Variants in CDH13 observed in about 807,000 individuals in gnomAD.
CDH13 encodes cadherin-13.
Under a neutral mutation model 63.8 loss-of-function variants are expected in CDH13, and 24 were observed. The ratio of observed to expected loss-of-function variants is 0.38; its 90% CI spans 0.27 to 0.53. The LOEUF is 0.53. CDH13 is among the 20% of genes least tolerant of loss of function. The pLI, the probability that CDH13 is intolerant of heterozygous loss-of-function variation, is 0.85. For synonymous variants in CDH13, 503 were observed against 355.3 expected (o/e 1.42, Z -4.67); for missense variants, 1,049 against 903.1 (o/e 1.16, Z -2.07).
chr16:83,169,172 G>T (rs990205573), intron 4 of CDH13, among the ~76,000 whole-genome samples: 2 of 150,886 alleles, frequency 1.3e-5, no homozygotes, highest in African/African-American at 4.9e-5. Flanking sequence ...CCGGCATTCA[G>T]TGCTTAGGTT....
chr16:82,876,963 C>A (rs1221581621), intron 2 of CDH13, among the ~76,000 whole-genome samples: 1 of 152,166 alleles, frequency 6.6e-6, no homozygotes, highest in Admixed American at 6.5e-5. Flanking sequence ...AGCATGCACC[C>A]AAACAGCTCA....
intron 5 of CDH13, among the ~76,000 whole-genome samples, chr16:83,269,416 A>C (rs1221196207): frequency 6.6e-6 from 1 of 152,052 alleles, no homozygotes; most frequent in African/African-American, 2.4e-5. Flanking sequence ...TGATTATCTA[A>C]ACTATCCCAC....
chr16:83,334,351 TCTCTCTCTCTCACACACACA>T (rs1230433858), intron 5 of CDH13, among the ~76,000 whole-genome samples: 3 of 48,440 alleles, frequency 6.2e-5, no homozygotes, highest in South Asian at 2.1e-3. Context: ...CCTCTCTCTC[TCTCTCTCTCTCACACACACA>T]CACACACACA....
chr16:83,748,797 A>C (rs1403161373), intron 11 of CDH13, among the ~76,000 whole-genome samples: 1 of 152,228 alleles, frequency 6.6e-6, no homozygotes, highest in Non-Finnish European at 1.5e-5. Context: ...CTGGGGGCGC[A>C]GCAGTAAACA....
intron 6 of CDH13, among the ~76,000 whole-genome samples, chr16:83,411,400 A>G (rs2092123718): frequency 6.6e-6 from 1 of 152,114 alleles, no homozygotes; most frequent in African/African-American, 2.4e-5. Context: ...TGTGTGGTTT[A>G]TTGTTGGCTT....
intron 1 of CDH13, among the ~76,000 whole-genome samples, chr16:82,652,991 G>T (rs1228591229): frequency 6.6e-6 from 1 of 152,166 alleles, no homozygotes; most frequent in Non-Finnish European, 1.5e-5. Flanking sequence ...GAAGTTGGGG[G>T]TAAACAGGCG....
intron 5 of CDH13, among the ~76,000 whole-genome samples, chr16:83,243,735 C>T (rs764752702): frequency 5.9e-5 from 9 of 152,300 alleles, no homozygotes; most frequent in Admixed American, 2.6e-4. Context: ...GGACTACAAA[C>T]ATAAACCAGT....
chr16:83,276,312 C>T (rs2088986345), intron 5 of CDH13, among the ~76,000 whole-genome samples: 1 of 152,080 alleles, frequency 6.6e-6, no homozygotes, highest in African/African-American at 2.4e-5. Flanking sequence ...TACAAGATGG[C>T]CCCTCATTGA....
At chr16:83,018,081 A>C (rs1914977490) in intron 2 of CDH13, among the ~76,000 whole-genome samples, 1 of 152,216 alleles carries the variant, frequency 6.6e-6, no homozygotes, top group Non-Finnish European at 1.5e-5. Context: ...GGCCAGTGAA[A>C]AGCCTGGCCT....
At chr16:83,236,738 G>A (rs746127152) in intron 5 of CDH13, among the ~76,000 whole-genome samples, 1 of 152,002 alleles carries the variant, frequency 6.6e-6, no homozygotes, top group Admixed American at 6.6e-5. Flanking sequence ...ATACATCCTT[G>A]CAATGGAATA....
intron 10 of CDH13, among the ~76,000 whole-genome samples, chr16:83,745,722 C>A (rs896888694): frequency 2.0e-5 from 3 of 152,194 alleles, no homozygotes; most frequent in Non-Finnish European, 4.4e-5. Flanking sequence ...CCCAAGATGA[C>A]CTTTAAGTCA....
intron 7 of CDH13, among the ~76,000 whole-genome samples, chr16:83,583,760 G>GA (rs1164720472): frequency 9.2e-4 from 133 of 144,944 alleles, no homozygotes; most frequent in South Asian, 2.0e-3. Context: ...ATACTAAAAA[G>GA]AAAAAAAAAA....
chr16:83,292,605 G>A (rs1215986222), intron 5 of CDH13, among the ~76,000 whole-genome samples: 1 of 152,138 alleles, frequency 6.6e-6, no homozygotes, highest in Non-Finnish European at 1.5e-5. Flanking sequence ...TCTCCCAGAT[G>A]AGGCCCATCA....
intron 3 of CDH13, among the ~76,000 whole-genome samples, chr16:83,063,944 A>G (rs2031793129): frequency 6.6e-6 from 1 of 152,202 alleles, no homozygotes; most frequent in African/African-American, 2.4e-5. Context: ...TGGAAGGGAC[A>G]GAATCAAGAT....
intron 10 of CDH13, among the ~76,000 whole-genome samples, chr16:83,692,674 G>C (rs909611730): frequency 1.3e-5 from 2 of 152,168 alleles, no homozygotes; most frequent in Admixed American, 6.5e-5. Flanking sequence ...GGAAGCAAAG[G>C]AAACTGACCT....
rs541679040 is a variant in CDH13, at chr16:82,876,752, T to A, written c.157+18279T>A. On this transcript the variant is annotated intron_variant, in intron 2 of 13. Coordinates refer to ENST00000567109, the MANE Select transcript of CDH13 (RefSeq NM_001257.5). ...ATTGGGTCAAGAGCCCACTTTGTGG[T>A]CTAGCAGACAGGTATCATGTTTGGA... Among the ~76,000 whole-genome samples the A allele has an allele frequency of 3.3e-5, 5 of 152,312 alleles. No homozygotes were observed. The East Asian group carries it at 9.6e-4, about 29-fold the overall frequency.
At chr16:82,973,315 A>G (rs564295495) in intron 2 of CDH13, among the ~76,000 whole-genome samples, 1 of 152,344 alleles carries the variant, frequency 6.6e-6, no homozygotes, top group Admixed American at 6.5e-5. Context: ...CTCACCTGCA[A>G]GAATCAGGCT....
intron 1 of CDH13, among the ~76,000 whole-genome samples, chr16:82,852,797 C>T (rs1452826351): frequency 1.3e-5 from 2 of 152,162 alleles, no homozygotes; most frequent in Non-Finnish European, 2.9e-5. Context: ...CATAACATGA[C>T]AATTTAACTT....
intron 1 of CDH13, among the ~76,000 whole-genome samples, chr16:82,746,876 G>A (rs889791389): frequency 1.3e-5 from 2 of 152,088 alleles, no homozygotes; most frequent in African/African-American, 4.8e-5. Flanking sequence ...GTAACTCCCT[G>A]GAATATTAAA....
Sources: allele counts gnomAD v4.1 joint callset (sites outside exome capture counted in the v4.1 genomes callset), GRCh38; gene constraint gnomAD v4.1.1; transcripts MANE v1.5; gene names NCBI Gene and HGNC (gene_info 2026-07-23, HGNC 2026-07-21).